Variants in ARHGAP35 observed in about 807,000 individuals in gnomAD.
ARHGAP35 encodes Rho GTPase activating protein 35, also known as rho GTPase-activating protein 35.
A neutral mutation model predicts 111.1 loss-of-function variants in ARHGAP35; 15 were observed. That is an observed-to-expected ratio of 0.13 (90% CI 0.09 to 0.21). The LOEUF (loss-of-function observed/expected upper bound fraction) is 0.21, where lower values mean the gene tolerates loss of function less well. ARHGAP35 is among the 10% of genes least tolerant of loss of function. The probability of loss-of-function intolerance (pLI) is 1.00; values close to 1 mark genes in which losing one functional copy is unlikely to be tolerated. For synonymous variants in ARHGAP35, 643 were observed against 710.3 expected, an observed-to-expected ratio of 0.91 and a Z score of 1.51; for missense variants, 1,262 against 1,873.0, an observed-to-expected ratio of 0.67 and a Z score of 6.02.
At chr19:46,964,610 A>C (rs1179141700) in intron 3 of ARHGAP35, among the ~76,000 whole-genome samples, 1 of 152,202 alleles carries the variant, frequency 6.6e-6, no homozygotes, top group East Asian at 1.9e-4. Flanking sequence ...TCTCCCATTG[A>C]AAAACTGACA....
Position 46,992,945 on chromosome 19 carries a change from G to A in ARHGAP35, c.4036+3270G>A, listed in dbSNP as rs552933442. On this transcript the variant is annotated intron_variant, in intron 5 of 6. Transcript: ENST00000672722. The surrounding 1 kb of genome is among the most constrained non-coding windows in gnomAD (Gnocchi z 4.4). ...CTGCCTTGGGACGTTACTGGTTCTG[G>A]GATCCTGCCTTCCTTTGATCTGTCC... Among the ~76,000 whole-genome samples, 1 of 152,210 alleles carries A rather than the reference G, an allele frequency of 6.6e-6. No homozygotes were observed. The highest frequency in any genetic ancestry group is 1.5e-5 in the Non-Finnish European group (1 of 68,048).
In ARHGAP35 at chr19:46,895,336, T is replaced by C. The variant is rs180942414; in HGVS notation, c.-188-23152T>C. On this transcript the variant is annotated intron_variant, in intron 1 of 6. Transcript: ENST00000672722. Reference sequence around the variant, plus strand: ...TCACCACCACGCCCGGCTAATTTTTTTGTATTGTTAGTAGAGGCGGGGTTT... The same window carrying C: ...TCACCACCACGCCCGGCTAATTTTTCTGTATTGTTAGTAGAGGCGGGGTTT... Among the ~76,000 whole-genome samples the C allele has an allele frequency of 4.3e-3, 651 of 152,162 alleles. 2 individuals are homozygous for C. The highest frequency in any genetic ancestry group is 6.9e-3 in the Non-Finnish European group (466 of 67,988).
At chr19:46,932,760 A>G (rs900134714) in intron 2 of ARHGAP35, among the ~76,000 whole-genome samples, 11 of 152,200 alleles carry the variant, frequency 7.2e-5, no homozygotes, top group African/African-American at 2.4e-4. Flanking sequence ...CTTAAAAAAT[A>G]GGGAGTGAGA....
intron 2 of ARHGAP35, among the ~76,000 whole-genome samples, chr19:46,923,030 A>G (rs889657762): frequency 6.6e-6 from 1 of 152,210 alleles, no homozygotes; most frequent in Non-Finnish European, 1.5e-5. Flanking sequence ...GAGAGAAAAG[A>G]AAAAGTTAAC....
At chr19:46,909,625 T>G (rs542854600) in intron 1 of ARHGAP35, among the ~76,000 whole-genome samples, 2 of 152,268 alleles carry the variant, frequency 1.3e-5, no homozygotes, top group East Asian at 3.9e-4. Flanking sequence ...GAGGAAATCT[T>G]CCTCTCACAT....
intron 1 of ARHGAP35, among the ~76,000 whole-genome samples, chr19:46,907,083 C>A (rs947488919): frequency 6.6e-6 from 1 of 151,810 alleles, no homozygotes; most frequent in Non-Finnish European, 1.5e-5. Flanking sequence ...TAGAGTGAGA[C>A]CCTGTCTAAA....
chr19:46,892,238 A>G (rs1251073218), intron 1 of ARHGAP35, among the ~76,000 whole-genome samples: 1 of 150,030 alleles, frequency 6.7e-6, no homozygotes, highest in Non-Finnish European at 1.5e-5. Context: ...CGGGAGGCAA[A>G]GGTTGCAGTG....
At chr19:46,959,269 T>G (rs752392416) in intron 3 of ARHGAP35, among the ~76,000 whole-genome samples, 5 of 152,060 alleles carry the variant, frequency 3.3e-5, no homozygotes, top group Non-Finnish European at 7.4e-5. Context: ...TTTGCCATGT[T>G]GCCAGGCTGG....
intron 3 of ARHGAP35, among the ~76,000 whole-genome samples, chr19:46,939,287 T>C (rs1306156707): frequency 6.6e-6 from 1 of 152,012 alleles, no homozygotes; most frequent in African/African-American, 2.4e-5. Context: ...AGTGTCCATC[T>C]TTTTGACACT....
chr19:46,870,032 C>T (rs930667278), intron 1 of ARHGAP35, among the ~76,000 whole-genome samples: 4 of 150,684 alleles, frequency 2.7e-5, no homozygotes, highest in African/African-American at 4.9e-5. Context: ...CTGCAAGCTC[C>T]GCCTTCTGGG....
At chr19:46,866,067 C>CT (rs1415963807) in intron 1 of ARHGAP35, among the ~76,000 whole-genome samples, 6 of 152,136 alleles carry the variant, frequency 3.9e-5, no homozygotes, top group African/African-American at 1.4e-4. Context: ...TCTTGAACTC[C>CT]TGACCTCAAG....
Position 46,921,519 on chromosome 19 carries a change from C to T in ARHGAP35, c.2844C>T (p.Ile948=), listed in dbSNP as rs762277668. ...ATGTGGTGGAAAAAAAGAACATAAT[C>T]GAGGCTACTCATATGTACGATAATG... is the stretch of plus-strand genomic sequence containing the variant. ...FKDVVEKKNI[I]EATHMYDNAA... The change falls in exon 2 of 7, where the codon ATC becomes ATT. Residue 948 remains isoleucine (I), a synonymous_variant. Coordinates refer to ENST00000672722, the MANE Select transcript of ARHGAP35 (RefSeq NM_004491.5). The surrounding 1 kb of genome is among the most constrained non-coding windows in gnomAD (Gnocchi z 4.3). 1.4e-5 allele frequency: 23 copies of T among 1,613,850 alleles called. No individual in the cohort carries two copies. The highest frequency in any genetic ancestry group is 8.3e-5 in the Admixed American group (5 of 60,002).
intron 3 of ARHGAP35, among the ~76,000 whole-genome samples, chr19:46,954,083 G>C (rs1568478195): frequency 1.3e-5 from 2 of 152,136 alleles, no homozygotes; most frequent in Non-Finnish European, 2.9e-5. Context: ...GCCATGTGAG[G>C]ACACGAGAAG....
Position 47,001,167 on chromosome 19 carries a change from G to T in ARHGAP35, c.*479G>T, listed in dbSNP as rs543758637. On this transcript the variant is annotated 3_prime_UTR_variant, in exon 7 of 7. Coordinates refer to ENST00000672722, the MANE Select transcript of ARHGAP35 (RefSeq NM_004491.5). This position sits in a 1 kb window ranked among gnomAD's most constrained non-coding sequence, Gnocchi z 5.4. Reference sequence around the variant, plus strand: ...ATCTGCACACACCCCCAAGGTAAGGGTACAGCCCGGCTGGCGGCCTCCTTG... The same window carrying T: ...ATCTGCACACACCCCCAAGGTAAGGTTACAGCCCGGCTGGCGGCCTCCTTG... 3 of 1,236,562 alleles carry T rather than the reference G, an allele frequency of 2.4e-6. No homozygotes were observed. In the East Asian group the frequency reaches 1.7e-4, roughly 70 times the overall value. The allele number at this position is 1,236,562 out of a possible 1,614,324, so 76.6% of individuals were successfully genotyped here.
At chr19:46,888,837 C>CAAAAAAAAAA (rs769595005) in intron 1 of ARHGAP35, among the ~76,000 whole-genome samples, 40 of 57,134 alleles carry the variant, frequency 7.0e-4, no homozygotes, top group Middle Eastern at 0.011. Context: ...ACTAAAAATA[C>CAAAAAAAAAA]AAAAAAAAAA....
intron 2 of ARHGAP35, among the ~76,000 whole-genome samples, chr19:46,934,995 C>T (rs549325296): frequency 1.3e-5 from 2 of 152,290 alleles, no homozygotes; most frequent in South Asian, 2.1e-4. Flanking sequence ...TGTTATACTT[C>T]ATATAAGTAG....
rs375348408 is a variant in ARHGAP35, at chr19:46,995,535, G to A, written c.4037-3769G>A. On this transcript the variant is annotated intron_variant, in intron 5 of 6. Transcript: ENST00000672722. ...GGAGGCGGGGACCCAGAGCAGATGG[G>A]CTAAGCTGGGAGACAGGCCTGGGTC... Among the ~76,000 whole-genome samples the A allele has an allele frequency of 9.2e-5, 14 of 152,374 alleles. No homozygotes were observed. In the East Asian group the frequency reaches 1.7e-3, roughly 19 times the overall value.
chr19:46,994,070 T>C lies in ARHGAP35; in HGVS notation c.4036+4395T>C, dbSNP rs1198862374. ...GGGGGTGGAGGTTACACCAAAAGTC[T>C]GGACGAGCGGACCTGGGAATCCACA... On this transcript the variant is annotated intron_variant, in intron 5 of 6. Transcript: ENST00000672722. The surrounding 1 kb of genome is among the most constrained non-coding windows in gnomAD (Gnocchi z 5.4). Among the ~76,000 whole-genome samples the C allele has an allele frequency of 6.6e-6, 1 of 152,134 alleles. No homozygotes were observed. The highest frequency in any genetic ancestry group is 1.5e-5 in the Non-Finnish European group (1 of 68,016).
At position 46,896,314 on chromosome 19, in the gene ARHGAP35, A is replaced by C. The variant is rs1010129087; in HGVS notation, c.-188-22174A>C. The stretch of plus-strand genomic sequence containing the variant: ...TGTATCACCGGAGCCCGGGAGGTCA[A>C]GGCTGCAGTGAGTGGTTATTGCGCC... On this transcript the variant is annotated intron_variant, in intron 1 of 6. Coordinates refer to ENST00000672722, the MANE Select transcript of ARHGAP35 (RefSeq NM_004491.5). Among the ~76,000 whole-genome samples the C allele has an allele frequency of 2.4e-4, 37 of 152,208 alleles. 1 individual carries two copies. Among genetic ancestry groups the C allele is most frequent in the African/African-American group, 8.7e-4 (36 of 41,446 alleles).
Sources: gnomAD v4.1 joint callset for allele counts (sites outside exome capture counted in the v4.1 genomes callset) on GRCh38, gnomAD v4.1.1 for gene constraint, Gnocchi (gnomAD v3.1) non-coding constraint, MANE v1.5 for transcripts, NCBI Gene and HGNC (gene_info 2026-07-23, HGNC 2026-07-21) for gene names.